Variants in ATF7IP observed in about 807,000 individuals in gnomAD.
ATF7IP encodes activating transcription factor 7 interacting protein, also known as activating transcription factor 7-interacting protein 1.
In ATF7IP, 23 loss-of-function variants were observed where a neutral mutation model predicts 106.4. The ratio of observed to expected loss-of-function variants is 0.22; its 90% CI spans 0.16 to 0.31. The LOEUF (loss-of-function observed/expected upper bound fraction) is 0.31, where lower values mean the gene tolerates loss of function less well. Among genes scored for constraint, ATF7IP ranks in the 10% least tolerant of loss-of-function variants. The probability of loss-of-function intolerance (pLI) is 1.00; values close to 1 mark genes in which losing one functional copy is unlikely to be tolerated. For synonymous variants in ATF7IP, 542 were observed against 539.0 expected, an observed-to-expected ratio of 1.01 and a Z score of -0.08; for missense variants, 1,334 against 1,524.3, an observed-to-expected ratio of 0.88 and a Z score of 2.08.
intron 1 of ATF7IP, among the ~76,000 whole-genome samples, chr12:14,366,174 ATGT>A (rs1481907263): frequency 3.3e-5 from 5 of 152,224 alleles, no homozygotes; most frequent in South Asian, 2.1e-4. Context: ...CATTACTCTA[ATGT>A]TGTACTCCTG....
At chr12:14,442,994 A>C (rs1942784576) in intron 5 of ATF7IP, among the ~76,000 whole-genome samples, 1 of 152,076 alleles carries the variant, frequency 6.6e-6, no homozygotes, top group East Asian at 1.9e-4. Context: ...GTCTCTACTA[A>C]AAATACAAAA....
intron 1 of ATF7IP, among the ~76,000 whole-genome samples, chr12:14,380,818 C>T (rs1938973664): frequency 6.6e-6 from 1 of 152,118 alleles, no homozygotes; most frequent in Non-Finnish European, 1.5e-5. Flanking sequence ...CGGGGTTTTG[C>T]CATGTTGGCC....
intron 10 of ATF7IP, among the ~76,000 whole-genome samples, chr12:14,472,080 A>G (rs1441837896): frequency 1.3e-5 from 2 of 151,944 alleles, no homozygotes; most frequent in African/African-American, 4.8e-5. Flanking sequence ...GCCAAAGTGT[A>G]TATTAGTGCC....
Position 14,502,119 on chromosome 12 carries a change from A to G in ATF7IP, c.*4046A>G, listed in dbSNP as rs1945174517. The G allele has an allele frequency of 6.6e-6, 1 of 152,096 alleles. No individual in the cohort carries two copies. The allele number at this position is 152,096 out of a possible 1,614,324, so 9.4% of individuals were successfully genotyped here. ...CATCCTAAGATTTTGTTGTTTTATC[A>G]CTGACCTGTGGTTGGCCTGTTTTAT... On this transcript the variant is annotated 3_prime_UTR_variant, in exon 15 of 15. Transcript: ENST00000261168.
chr12:14,452,021 A>G (rs974809828), intron 6 of ATF7IP, among the ~76,000 whole-genome samples: 6 of 151,872 alleles, frequency 4.0e-5, no homozygotes, highest in African/African-American at 1.5e-4. Context: ...TGTTTGTTTC[A>G]TATATTTGGA....
At chr12:14,464,616 T>G (rs1943759564) in intron 9 of ATF7IP, among the ~76,000 whole-genome samples, 1 of 152,166 alleles carries the variant, frequency 6.6e-6, no homozygotes, top group Non-Finnish European at 1.5e-5. Flanking sequence ...GTTATAATAT[T>G]TATATCCAGA....
chr12:14,460,316 C>G (rs181060866), intron 8 of ATF7IP, among the ~76,000 whole-genome samples, 179 bp from the exon 9 acceptor site: 2 of 152,106 alleles, frequency 1.3e-5, no homozygotes, highest in Non-Finnish European at 1.5e-5. Flanking sequence ...CAAAATGCTT[C>G]TATGAATTTA....
intron 1 of ATF7IP, among the ~76,000 whole-genome samples, chr12:14,371,522 A>G (rs1183709168): frequency 1.3e-5 from 2 of 152,110 alleles, no homozygotes; most frequent in South Asian, 2.1e-4. Flanking sequence ...GATGAGGAGT[A>G]AAAAATTAGA....
chr12:14,437,270 A>C (rs940003050), intron 4 of ATF7IP, among the ~76,000 whole-genome samples: 1 of 152,242 alleles, frequency 6.6e-6, no homozygotes, highest in Non-Finnish European at 1.5e-5. Flanking sequence ...ATGACATTTT[A>C]CAATCAATGT....
At chr12:14,418,084 A>C (rs1340186169) in intron 1 of ATF7IP, among the ~76,000 whole-genome samples, 1 of 152,132 alleles carries the variant, frequency 6.6e-6, no homozygotes, top group East Asian at 1.9e-4. Flanking sequence ...TTTAAAGAAG[A>C]AGCTCGTTGG....
At chr12:14,461,905 G>C (rs1943653234) in intron 9 of ATF7IP, among the ~76,000 whole-genome samples, 1 of 152,104 alleles carries the variant, frequency 6.6e-6, no homozygotes, top group South Asian at 2.1e-4. Context: ...TTTTCTTATT[G>C]ATGTTGTAAG....
chr12:14,418,980 G>A (rs1024858666), intron 1 of ATF7IP, among the ~76,000 whole-genome samples: 1 of 152,102 alleles, frequency 6.6e-6, no homozygotes, highest in African/African-American at 2.4e-5. Flanking sequence ...AAATACCAAA[G>A]AGGAATTTGT....
intron 1 of ATF7IP, among the ~76,000 whole-genome samples, chr12:14,378,162 A>ATCTTGGCTC (rs1183434904): frequency 1.1e-3 from 154 of 144,206 alleles, no homozygotes; most frequent in African/African-American, 3.8e-3. Context: ...CGGTGGCATG[A>ATCTTGGCTC]TCTTGGCTCA....
At chr12:14,370,807 G>C (rs940943923) in intron 1 of ATF7IP, among the ~76,000 whole-genome samples, 1 of 152,012 alleles carries the variant, frequency 6.6e-6, no homozygotes, top group South Asian at 2.1e-4. Context: ...CATAAAAGTA[G>C]TATCAGTATG....
chr12:14,385,445 CT>C, intron 1 of ATF7IP: 1 of 1,510,922 alleles, frequency 6.6e-7, no homozygotes, highest in Non-Finnish European at 8.8e-7. Context: ...TCATTTTTTT[CT>C]TTTTTAAAAA....
chr12:14,489,055 G>T lies in ATF7IP; in HGVS notation c.3281-7176G>T, dbSNP rs556496596. ...TCTGTATTCTCTTTGCCTTCAGCAA[G>T]CACCTCATCTGGTAGTGGTTTTACT... On this transcript the variant is annotated intron_variant, in intron 13 of 14. Transcript: ENST00000261168. 1.4e-4 allele frequency among the ~76,000 whole-genome samples: 22 copies of T among 152,234 alleles called. No homozygotes were observed. The South Asian group carries it at 2.7e-3, about 19-fold the overall frequency.
At chr12:14,451,654 T>G (rs1443648808) in intron 6 of ATF7IP, among the ~76,000 whole-genome samples, 9 of 152,070 alleles carry the variant, frequency 5.9e-5, no homozygotes, top group Admixed American at 3.9e-4. Flanking sequence ...AATTTTCACA[T>G]ATTTGTGACT....
intron 6 of ATF7IP, among the ~76,000 whole-genome samples, chr12:14,450,585 A>G (rs1943166357): frequency 6.6e-6 from 1 of 152,010 alleles, no homozygotes; most frequent in Non-Finnish European, 1.5e-5. Flanking sequence ...GAGGATTTTT[A>G]TATCAGTATT....
At chr12:14,441,197 A>G (rs970132668) in intron 5 of ATF7IP, among the ~76,000 whole-genome samples, 1 of 152,172 alleles carries the variant, frequency 6.6e-6, no homozygotes, top group Non-Finnish European at 1.5e-5. Context: ...TCCCACCAGC[A>G]ATGTATGAGG....
Sources: allele counts gnomAD v4.1 joint callset (sites outside exome capture counted in the v4.1 genomes callset), GRCh38; gene constraint gnomAD v4.1.1; transcripts MANE v1.5; gene names NCBI Gene and HGNC (gene_info 2026-07-23, HGNC 2026-07-21).